The following RYR2 variants were observed in gnomAD, a reference collection of about 807,000 sequenced individuals.
RYR2 encodes ryanodine receptor 2.
RYR2 carries 227 observed loss-of-function variants against 601.1 expected under a neutral mutation model. That is an observed-to-expected ratio of 0.38 (90% CI 0.34 to 0.42). The LOEUF is 0.42. Among genes scored for constraint, RYR2 ranks in the 10% least tolerant of loss-of-function variants. The pLI, the probability that RYR2 is intolerant of heterozygous loss-of-function variation, is 1.00. For missense variants in RYR2, 4,646 were observed against 6,156.5 expected (o/e 0.75, Z 8.21); for synonymous variants, 2,223 against 2,175.1 (o/e 1.02, Z -0.61).
chr1:237,540,864 A>C (rs1669182582), intron 25 of RYR2, among the ~76,000 whole-genome samples: 1 of 152,032 alleles, frequency 6.6e-6, no homozygotes, highest in African/African-American at 2.4e-5. Context: ...GAGGCATAGT[A>C]GGGCAGATAA....
At chr1:237,654,159 A>G (rs1393825750) in intron 51 of RYR2, 115 bp from the exon 52 acceptor site, 5 of 1,292,174 alleles carry the variant, frequency 3.9e-6, no homozygotes, top group East Asian at 4.7e-5. Context: ...GGATTGGGCA[A>G]TTTCACTTCA....
chr1:237,431,222 G>T (rs1327952048), intron 12 of RYR2, among the ~76,000 whole-genome samples: 2 of 152,066 alleles, frequency 1.3e-5, no homozygotes, highest in African/African-American at 4.8e-5. Flanking sequence ...TAGTATCACT[G>T]GAAGATTAGA....
chr1:237,259,872 T>C (rs1321503000), intron 1 of RYR2, among the ~76,000 whole-genome samples: 1 of 152,194 alleles, frequency 6.6e-6, no homozygotes, highest in Non-Finnish European at 1.5e-5. Flanking sequence ...ATTAAAACTA[T>C]GAGAAGACTA....
At position 237,639,168 on chromosome 1, in the gene RYR2, G is replaced by T. The variant is rs1361928374; in HGVS notation, c.7082G>T (p.Gly2361Val). The change falls in exon 46 of 105, where the codon GGT becomes GTT. Residue 2361 changes from glycine to valine, a missense_variant. By Grantham distance (109) the Gly-to-Val change is moderately radical. Coordinates refer to ENST00000366574, the MANE Select transcript of RYR2 (RefSeq NM_001035.3). ...IKIAEDPSRD[G>V]PSPNSGSSKT... ...ATCGCCGAGGATCCTTCCCGAGATG[G>T]TCCCTCACCAAATAGCGGATCCAGT... 1 of 1,613,616 alleles carries T rather than the reference G, an allele frequency of 6.2e-7. No homozygotes were observed. Among genetic ancestry groups the T allele is most frequent in the Admixed American group, 1.7e-5 (1 of 59,998 alleles).
chr1:237,214,881 G>A (rs1042732145), intron 1 of RYR2, among the ~76,000 whole-genome samples: 2 of 152,114 alleles, frequency 1.3e-5, no homozygotes, highest in African/African-American at 4.8e-5. Context: ...GAATTAGATT[G>A]TATTCTCATA....
intron 1 of RYR2, among the ~76,000 whole-genome samples, chr1:237,191,882 A>T (rs1680003760): frequency 6.6e-6 from 1 of 152,182 alleles, no homozygotes; most frequent in African/African-American, 2.4e-5. Context: ...TTACTTGCCA[A>T]ATAATATTTG....
rs180839562 is a variant in RYR2, at chr1:237,252,562, G to T, written c.49-17935G>T. On this transcript the variant is annotated intron_variant, in intron 1 of 104. Transcript: ENST00000366574. Reference sequence around the variant, plus strand: ...GTAAGCTCCATGGGTGTAAGAAATTGTTCTGTCTCATTCACAGTCTTATGT... The same window carrying T: ...GTAAGCTCCATGGGTGTAAGAAATTTTTCTGTCTCATTCACAGTCTTATGT... Among the ~76,000 whole-genome samples the T allele has an allele frequency of 3.7e-3, 563 of 152,214 alleles. 4 individuals carry two copies. Among genetic ancestry groups the T allele is most frequent in the Non-Finnish European group, 7.0e-3 (479 of 68,014 alleles).
intron 1 of RYR2, among the ~76,000 whole-genome samples, chr1:237,122,913 T>C (rs1335150871): frequency 6.6e-6 from 1 of 152,172 alleles, no homozygotes; most frequent in Non-Finnish European, 1.5e-5. Flanking sequence ...TTAAAAACCT[T>C]ATGTATATAA....
intron 25 of RYR2, among the ~76,000 whole-genome samples, chr1:237,535,464 G>C (rs1668511944): frequency 7.1e-6 from 1 of 140,242 alleles, no homozygotes; most frequent in Non-Finnish European, 1.6e-5. Context: ...AACTATTAAA[G>C]GAATTGAATC....
At position 237,274,347 on chromosome 1, in the gene RYR2, A is replaced by G. The variant is rs528385861; in HGVS notation, c.168+3731A>G. Reference sequence around the variant, plus strand: ...GCCTAGTGATGTCTGGATGATTTCAATCTTGTGTAGGCCTACAATGATGTG... The same window carrying G: ...GCCTAGTGATGTCTGGATGATTTCAGTCTTGTGTAGGCCTACAATGATGTG... On this transcript the variant is annotated intron_variant, in intron 2 of 104. Transcript: ENST00000366574. Among the ~76,000 whole-genome samples the G allele has an allele frequency of 2.1e-3, 312 of 151,528 alleles. 1 individual carries two copies. Among genetic ancestry groups the G allele is most frequent in the African/African-American group, 7.1e-3 (296 of 41,428 alleles).
chr1:237,692,902 C>T (rs1008422127), intron 63 of RYR2, among the ~76,000 whole-genome samples: 3 of 152,162 alleles, frequency 2.0e-5, no homozygotes, highest in African/African-American at 7.2e-5. Flanking sequence ...CTCGCATAAA[C>T]TCTCAGCTCT....
intron 87 of RYR2, among the ~76,000 whole-genome samples, chr1:237,777,211 C>G (rs1042386743): frequency 2.0e-5 from 3 of 152,112 alleles, no homozygotes; most frequent in African/African-American, 7.2e-5. Context: ...CAATTTCAAC[C>G]CCTTTGTATC....
chr1:237,688,877 C>T (rs935224840), intron 63 of RYR2, among the ~76,000 whole-genome samples: 2 of 152,148 alleles, frequency 1.3e-5, no homozygotes, highest in Non-Finnish European at 2.9e-5. Flanking sequence ...TTTCTAACTT[C>T]CTGCTTATTG....
At chr1:237,475,355 T>G (rs922489) in intron 17 of RYR2, among the ~76,000 whole-genome samples, 1 of 151,764 alleles carries the variant, frequency 6.6e-6, no homozygotes, top group South Asian at 2.1e-4. Flanking sequence ...TTTTGTGGGG[T>G]TTTTTAATCT....
chr1:237,057,034 G>T (rs540287084), intron 1 of RYR2, among the ~76,000 whole-genome samples: 1 of 152,204 alleles, frequency 6.6e-6, no homozygotes, highest in Non-Finnish European at 1.5e-5. Flanking sequence ...CACAAAGCTA[G>T]AAGTGTGGAT....
chr1:237,145,546 T>C (rs1316915279), intron 1 of RYR2, among the ~76,000 whole-genome samples: 3 of 152,220 alleles, frequency 2.0e-5, no homozygotes, highest in East Asian at 1.9e-4. Context: ...TGTTTTCCTA[T>C]GTATGCCTCT....
intron 1 of RYR2, among the ~76,000 whole-genome samples, chr1:237,063,125 A>T (rs1245030342): frequency 6.6e-6 from 1 of 151,876 alleles, no homozygotes; most frequent in African/African-American, 2.4e-5. Context: ...GAGATGAGAG[A>T]GCTCTCTTGC....
intron 34 of RYR2, among the ~76,000 whole-genome samples, chr1:237,597,162 A>G (rs1293562720): frequency 1.3e-5 from 2 of 152,228 alleles, no homozygotes; most frequent in African/African-American, 2.4e-5. Context: ...GTACTCTAGT[A>G]TGAAGGTTAA....
intron 45 of RYR2, among the ~76,000 whole-genome samples, 196 bp downstream of exon 45, chr1:237,638,688 A>G (rs1014501334): frequency 6.6e-6 from 1 of 152,190 alleles, no homozygotes; most frequent in Non-Finnish European, 1.5e-5. Flanking sequence ...TTAAATTAAA[A>G]TTTTTAGGCA....
Sources: allele counts gnomAD v4.1 joint callset (sites outside exome capture counted in the v4.1 genomes callset), GRCh38; gene constraint gnomAD v4.1.1; transcripts MANE v1.5; gene names NCBI Gene and HGNC (gene_info 2026-07-23, HGNC 2026-07-21).